NKAIN2: variants seen among roughly 807,000 people sequenced by gnomAD.
NKAIN2 encodes sodium/potassium-transporting ATPase subunit beta-1-interacting protein 2.
Under a neutral mutation model 32.6 loss-of-function variants are expected in NKAIN2, and 14 were observed. The observed-to-expected ratio is 0.43, with a 90% CI of 0.28 to 0.67. NKAIN2 has a LOEUF of 0.67. Among genes scored for constraint, NKAIN2 ranks in the 30% least tolerant of loss-of-function variants. NKAIN2 has a pLI of 0.17. For synonymous variants in NKAIN2, 80 were observed against 87.2 expected, an observed-to-expected ratio of 0.92 and a Z score of 0.46; for missense variants, 198 against 258.3, an observed-to-expected ratio of 0.77 and a Z score of 1.60.
intron 5 of NKAIN2, among the ~76,000 whole-genome samples, chr6:124,813,202 C>T (rs1181538055): frequency 1.3e-5 from 2 of 152,162 alleles, no homozygotes; most frequent in South Asian, 4.2e-4. Context: ...AAAAAAGCCC[C>T]GAAATACCAC....
intron 1 of NKAIN2, among the ~76,000 whole-genome samples, chr6:124,228,366 C>A (rs941110476): frequency 6.6e-6 from 1 of 152,166 alleles, no homozygotes; most frequent in African/African-American, 2.4e-5. Flanking sequence ...AAGGCCCTCA[C>A]CAGAACCTGG....
intron 3 of NKAIN2, among the ~76,000 whole-genome samples, chr6:124,409,509 T>A (rs950824811): frequency 6.6e-5 from 10 of 152,222 alleles, no homozygotes; most frequent in African/African-American, 1.4e-4. Context: ...TTGATTTTCC[T>A]ATGTTGGACC....
intron 1 of NKAIN2, among the ~76,000 whole-genome samples, chr6:124,084,411 C>T (rs1352626379): frequency 6.6e-6 from 1 of 151,452 alleles, no homozygotes; most frequent in Non-Finnish European, 1.5e-5. Flanking sequence ...GGCTACAGAA[C>T]ATGGCCTAGA....
chr6:124,747,093 C>G (rs1435826544), intron 4 of NKAIN2, among the ~76,000 whole-genome samples: 2 of 151,848 alleles, frequency 1.3e-5, no homozygotes, highest in Non-Finnish European at 2.9e-5. Context: ...ATACTAAATT[C>G]TCAAAACCAT....
intron 4 of NKAIN2, among the ~76,000 whole-genome samples, chr6:124,781,260 T>C (rs138896776): frequency 1.3e-5 from 2 of 152,266 alleles, no homozygotes; most frequent in Non-Finnish European, 2.9e-5. Flanking sequence ...TATGTCTGAA[T>C]CTTGGGAGAG....
intron 1 of NKAIN2, among the ~76,000 whole-genome samples, chr6:124,059,356 G>A (rs1052355655): frequency 9.9e-5 from 15 of 151,972 alleles, no homozygotes; most frequent in African/African-American, 3.6e-4. Flanking sequence ...GTTCCAATAA[G>A]ATACCAAGCT....
At chr6:124,446,230 G>T (rs1775886730) in intron 3 of NKAIN2, among the ~76,000 whole-genome samples, 2 of 152,066 alleles carry the variant, frequency 1.3e-5, no homozygotes, top group South Asian at 4.1e-4. Context: ...AGAAACATTT[G>T]AAATATTTCT....
chr6:124,478,304 T>C (rs1480882085), intron 3 of NKAIN2, among the ~76,000 whole-genome samples: 1 of 152,216 alleles, frequency 6.6e-6, no homozygotes, highest in Non-Finnish European at 1.5e-5. Context: ...CACTGCTCTA[T>C]TTATCAAGCC....
chr6:124,044,143 G>A (rs928232003), intron 1 of NKAIN2, among the ~76,000 whole-genome samples: 9 of 151,920 alleles, frequency 5.9e-5, no homozygotes, highest in Non-Finnish European at 1.2e-4. Context: ...AAAGGAAGAG[G>A]CTAATAATCT....
intron 5 of NKAIN2, among the ~76,000 whole-genome samples, chr6:124,815,000 T>C (rs1476900583): frequency 6.6e-6 from 1 of 151,830 alleles, no homozygotes; most frequent in Non-Finnish European, 1.5e-5. Context: ...GAGACCTTAC[T>C]GTTTTTGTCT....
intron 3 of NKAIN2, among the ~76,000 whole-genome samples, chr6:124,652,275 G>T (rs902069956): frequency 6.6e-6 from 1 of 152,134 alleles, no homozygotes; most frequent in African/African-American, 2.4e-5. Flanking sequence ...CATCAGAATG[G>T]CCTCTACTGC....
At chr6:124,550,053 CTG>C (rs1780234433) in intron 3 of NKAIN2, among the ~76,000 whole-genome samples, 1 of 152,152 alleles carries the variant, frequency 6.6e-6, no homozygotes, top group African/African-American at 2.4e-5. Context: ...TGGATCTTGT[CTG>C]GGGCAAATAT....
intron 1 of NKAIN2, among the ~76,000 whole-genome samples, chr6:124,011,647 T>G (rs1411743589): frequency 6.6e-6 from 1 of 152,232 alleles, no homozygotes; most frequent in Non-Finnish European, 1.5e-5. Flanking sequence ...TGTCATTGAT[T>G]CTTATAGAAC....
At chr6:124,704,262 A>C (rs1421332377) in intron 4 of NKAIN2, among the ~76,000 whole-genome samples, 1 of 152,050 alleles carries the variant, frequency 6.6e-6, no homozygotes, top group East Asian at 1.9e-4. Flanking sequence ...TGTAGCAGAC[A>C]CTCTGTTTAG....
At position 124,302,442 on chromosome 6, in the gene NKAIN2, G is replaced by C. The variant is rs200981403; in HGVS notation, c.192+19300G>C. Reference sequence around the variant, plus strand: ...TAAGTATTACAATAAAGACTTTCTTGTTAATCATTCCTCAGTTATAATATT... The same window carrying C: ...TAAGTATTACAATAAAGACTTTCTTCTTAATCATTCCTCAGTTATAATATT... On this transcript the variant is annotated intron_variant, in intron 2 of 6. Transcript: ENST00000368417. Among the ~76,000 whole-genome samples, 51 of 152,238 alleles carry C rather than the reference G, an allele frequency of 3.4e-4. 2 individuals carry two copies. In the East Asian group the frequency reaches 8.3e-3, roughly 25 times the overall value.
intron 2 of NKAIN2, among the ~76,000 whole-genome samples, chr6:124,320,091 G>C (rs1291090891): frequency 6.6e-6 from 1 of 152,100 alleles, no homozygotes; most frequent in Non-Finnish European, 1.5e-5. Flanking sequence ...AGGCAAAGCT[G>C]AGCTTGCTCT....
At chr6:123,827,405 C>G (rs1405158270) in intron 1 of NKAIN2, among the ~76,000 whole-genome samples, 1 of 152,026 alleles carries the variant, frequency 6.6e-6, no homozygotes, top group African/African-American at 2.4e-5. Flanking sequence ...TTAATTTAGG[C>G]TTCTTCTGGA....
chr6:124,490,884 C>G (rs761322318), intron 3 of NKAIN2, among the ~76,000 whole-genome samples: 4 of 151,640 alleles, frequency 2.6e-5, no homozygotes, highest in Non-Finnish European at 4.4e-5. Flanking sequence ...TTTTCAAAGT[C>G]CTGAAGATTT....
rs184745191 is a variant in NKAIN2, at chr6:124,077,931, C to T, written c.55-205074C>T. 3.5e-4 allele frequency among the ~76,000 whole-genome samples: 54 copies of T among 152,138 alleles called. 1 individual carries two copies. Among genetic ancestry groups the T allele is most frequent in the African/African-American group, 1.3e-3 (53 of 41,542 alleles). ...TTTAAATTCTTAATTCATTTATATG[C>T]ATTATGAAAAACTAAAAGTTTAGGG... On this transcript the variant is annotated intron_variant, in intron 1 of 6. Transcript: ENST00000368417.
Sources: allele counts gnomAD v4.1 joint callset (sites outside exome capture counted in the v4.1 genomes callset), GRCh38; gene constraint gnomAD v4.1.1; transcripts MANE v1.5; gene names NCBI Gene and HGNC (gene_info 2026-07-23, HGNC 2026-07-21).